The following PTPRD variants were observed in gnomAD, a reference collection of about 807,000 sequenced individuals.
The protein encoded by PTPRD is protein tyrosine phosphatase receptor type D, also known as receptor-type tyrosine-protein phosphatase delta.
PTPRD carries 34 observed loss-of-function variants against 214.5 expected under a neutral mutation model. The observed-to-expected ratio is 0.16, with a 90% CI of 0.12 to 0.21. The LOEUF (loss-of-function observed/expected upper bound fraction) is 0.21. Among genes scored for constraint, PTPRD ranks in the 10% least tolerant of loss-of-function variants. The pLI, the probability that PTPRD is intolerant of heterozygous loss-of-function variation, is 1.00. For synonymous variants in PTPRD, 1,128 were observed against 845.7 expected, an observed-to-expected ratio of 1.33 and a Z score of -5.79; for missense variants, 2,545 against 2,398.7, an observed-to-expected ratio of 1.06 and a Z score of -1.27.
chr9:10,362,815 G>C (rs2097422410), intron 2 of PTPRD, among the ~76,000 whole-genome samples: 1 of 152,172 alleles, frequency 6.6e-6, no homozygotes, highest in African/African-American at 2.4e-5. Flanking sequence ...GGGAGGTGGA[G>C]GTGGCAGTGA....
chr9:10,477,069 T>C (rs2060091162), intron 2 of PTPRD, among the ~76,000 whole-genome samples: 2 of 152,124 alleles, frequency 1.3e-5, no homozygotes, highest in African/African-American at 4.8e-5. Context: ...GACATAGGCA[T>C]GGGCAAAGAG....
At chr9:10,198,075 T>C (rs562195951) in intron 3 of PTPRD, among the ~76,000 whole-genome samples, 1 of 152,284 alleles carries the variant, frequency 6.6e-6, no homozygotes, top group South Asian at 2.1e-4. Context: ...CTCTATTAAA[T>C]AGAAGAATAA....
rs1012609625 is a variant in PTPRD at position 9,540,779 on chromosome 9, T to C, written c.-237+33953A>G. On this transcript the variant is annotated intron_variant, in intron 8 of 45. Transcript: ENST00000381196. ...TCTGTGCCACCAGTAAATGAAATCA[T>C]CTACTTAAAGGGAAAAGTTATGGGC... is the stretch of plus-strand genomic sequence containing the variant. Among the ~76,000 whole-genome samples, 25 of 151,814 alleles carry C rather than the reference T, an allele frequency of 1.6e-4. 1 individual carries two copies. The highest frequency in any genetic ancestry group is 1.6e-3 in the Admixed American group (24 of 15,164).
In PTPRD at chr9:9,870,478, C is replaced by T. The variant is rs559895934; in HGVS notation, c.-368+68029G>A. Among the ~76,000 whole-genome samples the T allele has an allele frequency of 3.1e-4, 47 of 151,912 alleles. 1 individual carries two copies. The highest frequency in any genetic ancestry group is 3.1e-3 in the Admixed American group (47 of 15,240). On this transcript the variant is annotated intron_variant, in intron 5 of 45. Transcript: ENST00000381196. The stretch of plus-strand genomic sequence containing the variant: ...TAAGTTGCCCATACCCTTTAATATG[C>T]TCATAAAGTTGAGATTTTACAGCAA...
Position 8,316,382 on chromosome 9 carries a change from T to C in PTPRD, c.*1492A>G, listed in dbSNP as rs937279004. ...AAACTAAAACCAAAACGAAACAAAGTACAGCACTTCCCAGGAATGCTGTAT... is the reference window on the plus strand; with the variant it reads ...AAACTAAAACCAAAACGAAACAAAGCACAGCACTTCCCAGGAATGCTGTAT... On this transcript the variant is annotated 3_prime_UTR_variant, in exon 46 of 46. Coordinates refer to ENST00000381196, the MANE Select transcript of PTPRD (RefSeq NM_002839.4). The C allele has an allele frequency of 4.3e-6, 1 of 231,598 alleles. No homozygotes were observed. Among genetic ancestry groups the C allele is most frequent in the Non-Finnish European group, 8.6e-6 (1 of 116,806 alleles). The allele number at this position is 231,598 out of a possible 1,614,324, so 14.3% of individuals were successfully genotyped here.
intron 3 of PTPRD, among the ~76,000 whole-genome samples, chr9:10,127,723 C>G (rs979344641): frequency 3.9e-5 from 6 of 152,164 alleles, no homozygotes; most frequent in African/African-American, 1.4e-4. Flanking sequence ...CATTTTCCCA[C>G]TTGTGCCACC....
At chr9:8,742,175 C>T (rs1189536791) in intron 11 of PTPRD, among the ~76,000 whole-genome samples, 2 of 152,144 alleles carry the variant, frequency 1.3e-5, no homozygotes, top group Non-Finnish European at 2.9e-5. Context: ...TGATGACAGA[C>T]TGCACACATT....
At position 8,755,529 on chromosome 9, in the gene PTPRD, C is replaced by CATAA. The variant is rs569268236; in HGVS notation, c.-103-21584_-103-21583insTTAT. 3.0e-4 allele frequency among the ~76,000 whole-genome samples: 27 copies of CATAA among 88,536 alleles called. 1 individual carries two copies. The highest frequency in any genetic ancestry group is 7.8e-4 in the African/African-American group (25 of 31,968). The allele number at this position is 88,536 out of a possible 152,430, so 58.1% of individuals were successfully genotyped here. A position where few individuals can be genotyped will look rare whatever the true frequency, so the allele number is the denominator to read the frequency against. On this transcript the variant is annotated intron_variant, in intron 11 of 45. Coordinates refer to ENST00000381196, the MANE Select transcript of PTPRD (RefSeq NM_002839.4). ...GGGCAACAAGAGTGAAACTCTGTCT[C>CATAA]AAAAAAAAAAAAAAAACAGCAGCAC...
At chr9:9,378,409 T>G (rs780605058) in intron 9 of PTPRD, among the ~76,000 whole-genome samples, 9 of 152,178 alleles carry the variant, frequency 5.9e-5, no homozygotes, top group Non-Finnish European at 7.3e-5. Flanking sequence ...TACCACAGTT[T>G]ATCCATTCAC....
intron 2 of PTPRD, among the ~76,000 whole-genome samples, chr9:10,356,201 T>C (rs2154462942): frequency 1.3e-5 from 2 of 152,208 alleles, no homozygotes; most frequent in South Asian, 4.1e-4. Context: ...TAAAAGCCTA[T>C]TCATACACTT....
In PTPRD at chr9:10,286,799, C is replaced by G. The variant is rs146306394; in HGVS notation, c.-545+54164G>C. Among the ~76,000 whole-genome samples the G allele has an allele frequency of 4.9e-3, 748 of 152,146 alleles. 6 individuals are homozygous for G. Among genetic ancestry groups the G allele is most frequent in the African/African-American group, 0.017 (697 of 41,510 alleles). ...TATTTTTACTAGAGACGGGGTTTCACTATGTTGGCCAGGCTGGTCTTGAAC... is the reference window on the plus strand; with the variant it reads ...TATTTTTACTAGAGACGGGGTTTCAGTATGTTGGCCAGGCTGGTCTTGAAC... On this transcript the variant is annotated intron_variant, in intron 3 of 45. Transcript: ENST00000381196.
intron 2 of PTPRD, among the ~76,000 whole-genome samples, chr9:10,580,316 A>G (rs567715107): frequency 1.3e-5 from 2 of 152,308 alleles, no homozygotes; most frequent in Admixed American, 1.3e-4. Context: ...AAAATAAAAT[A>G]TTACATTCTT....
chr9:9,486,847 T>C (rs200214122), intron 8 of PTPRD, among the ~76,000 whole-genome samples: 41 of 152,266 alleles, frequency 2.7e-4, no homozygotes, highest in East Asian at 3.9e-4. Context: ...TTGTCTGTAT[T>C]CAAAATTTTA....
chr9:8,335,927 G>A (rs1280030125), intron 43 of PTPRD, among the ~76,000 whole-genome samples: 3 of 152,104 alleles, frequency 2.0e-5, no homozygotes, highest in Admixed American at 6.6e-5. Context: ...ACCTCTTCAA[G>A]GAGAACTGCA....
At chr9:10,161,715 A>G (rs2099128278) in intron 3 of PTPRD, among the ~76,000 whole-genome samples, 1 of 151,692 alleles carries the variant, frequency 6.6e-6, no homozygotes, top group Non-Finnish European at 1.5e-5. Flanking sequence ...CAAGCTAAAA[A>G]CCTTTTGCAC....
intron 5 of PTPRD, among the ~76,000 whole-genome samples, chr9:9,775,668 T>G (rs973182511): frequency 6.6e-6 from 1 of 152,070 alleles, no homozygotes; most frequent in Non-Finnish European, 1.5e-5. Flanking sequence ...TCTTGGCTGG[T>G]TGCGGTGGCT....
chr9:8,570,811 G>A (rs955510991), intron 14 of PTPRD, among the ~76,000 whole-genome samples: 10 of 151,936 alleles, frequency 6.6e-5, no homozygotes, highest in African/African-American at 2.4e-4. Flanking sequence ...TCTGCACAAA[G>A]CACCATGGCA....
chr9:8,792,393 C>A (rs533796706), intron 11 of PTPRD, among the ~76,000 whole-genome samples: 1 of 152,146 alleles, frequency 6.6e-6, no homozygotes, highest in Non-Finnish European at 1.5e-5. Context: ...CTAGTTTATA[C>A]GGAGCCAAGG....
intron 3 of PTPRD, among the ~76,000 whole-genome samples, chr9:10,077,660 A>T (rs2098155725): frequency 6.6e-6 from 1 of 152,028 alleles, no homozygotes; most frequent in African/African-American, 2.4e-5. Context: ...CTCCTCTCTC[A>T]AGTAGGCACC....
Sources: allele counts gnomAD v4.1 joint callset (sites outside exome capture counted in the v4.1 genomes callset), GRCh38; gene constraint gnomAD v4.1.1; transcripts MANE v1.5; gene names NCBI Gene and HGNC (gene_info 2026-07-23, HGNC 2026-07-21).